The following KLHL20 variants were observed in gnomAD, a reference collection of about 807,000 sequenced individuals.
KLHL20 encodes kelch like family member 20.
Under a neutral mutation model 69.5 loss-of-function variants are expected in KLHL20, and 29 were observed. That is an observed-to-expected ratio of 0.42 (90% CI 0.31 to 0.57). The LOEUF is 0.57. Ranked by LOEUF, KLHL20 falls within the 20% of genes least tolerant of loss-of-function variation. The pLI is 0.18. For missense variants in KLHL20, 419 were observed against 776.0 expected, an observed-to-expected ratio of 0.54 and a Z score of 5.47; for synonymous variants, 253 against 265.2, an observed-to-expected ratio of 0.95 and a Z score of 0.45.
Position 173,786,296 on chromosome 1 carries a change from T to A in KLHL20, c.*1049T>A, listed in dbSNP as rs2102547383. 6.5e-6 allele frequency: 1 copy of A among 152,772 alleles called. No individual in the cohort carries two copies. The highest frequency in any genetic ancestry group is 1.5e-5 in the Non-Finnish European group (1 of 68,034). The allele number at this position is 152,772 out of a possible 1,614,324, so 9.5% of individuals were successfully genotyped here. The stretch of plus-strand genomic sequence containing the variant: ...CATTTTATTAATATCTTGGTTCTTT[T>A]ATACAAACAATGTATCATTATCTTC... On this transcript the variant is annotated 3_prime_UTR_variant, in exon 12 of 12. Transcript: ENST00000209884.
rs1004445441 is a variant in KLHL20, at chr1:173,773,595, T to G, written c.1296-710T>G. On this transcript the variant is annotated intron_variant, in intron 8 of 11. Transcript: ENST00000209884. ...CTTTCTAATAGGATGTAGTAGAGAG[T>G]AACAGCCATCACCCCCACTACAACG... 4.6e-5 allele frequency among the ~76,000 whole-genome samples: 7 copies of G among 151,696 alleles called. No individual in the cohort carries two copies. The East Asian group carries it at 1.4e-3, about 29-fold the overall frequency.
chr1:173,726,127 G>A (rs1375793647), intron 2 of KLHL20, among the ~76,000 whole-genome samples: 1 of 152,126 alleles, frequency 6.6e-6, no homozygotes, highest in Non-Finnish European at 1.5e-5. Flanking sequence ...AGGGTCCTAC[G>A]CCCACAGAGC....
intron 7 of KLHL20, among the ~76,000 whole-genome samples, chr1:173,762,436 A>C (rs1173269423): frequency 6.6e-6 from 1 of 152,216 alleles, no homozygotes; most frequent in Admixed American, 6.5e-5. Context: ...CTAAAAAAGA[A>C]AACTACAGAC....
chr1:173,737,432 C>A (rs1330285376), intron 3 of KLHL20, among the ~76,000 whole-genome samples: 2 of 152,218 alleles, frequency 1.3e-5, no homozygotes, highest in African/African-American at 4.8e-5. Flanking sequence ...TTTCATTCTT[C>A]TACATGTGGC....
At chr1:173,731,195 A>G (rs958098218) in intron 2 of KLHL20, among the ~76,000 whole-genome samples, 32 of 152,222 alleles carry the variant, frequency 2.1e-4, no homozygotes, top group Admixed American at 6.5e-4. Context: ...TAGAATGGCA[A>G]TCATTAAAAA....
intron 2 of KLHL20, among the ~76,000 whole-genome samples, chr1:173,716,420 A>G (rs1349655129): frequency 6.6e-6 from 1 of 152,180 alleles, no homozygotes; most frequent in Non-Finnish European, 1.5e-5. Context: ...TAAGAATCAT[A>G]ATTATTTATA....
At chr1:173,724,535 G>A (rs1429321619) in intron 2 of KLHL20, among the ~76,000 whole-genome samples, 1 of 152,146 alleles carries the variant, frequency 6.6e-6, no homozygotes, top group Non-Finnish European at 1.5e-5. Flanking sequence ...TTTATATAAT[G>A]TGATCATACA....
intron 3 of KLHL20, 29 bp downstream of exon 3, chr1:173,734,315 C>G: frequency 6.3e-7 from 1 of 1,598,554 alleles, no homozygotes; most frequent in Non-Finnish European, 8.6e-7. Context: ...TCCAATGCAC[C>G]CATTTGTTGG....
At chr1:173,747,944 G>A (rs1297449933) in intron 3 of KLHL20, among the ~76,000 whole-genome samples, 1 of 148,398 alleles carries the variant, frequency 6.7e-6, no homozygotes, top group Non-Finnish European at 1.5e-5. Context: ...AGAAAAAAAA[G>A]GAAAGAAGAC....
At chr1:173,735,735 T>C (rs1317174388) in intron 3 of KLHL20, among the ~76,000 whole-genome samples, 3 of 152,054 alleles carry the variant, frequency 2.0e-5, no homozygotes, top group African/African-American at 7.2e-5. Context: ...ATGTGTAGTC[T>C]TTTATCTCTC....
chr1:173,731,202 A>T (rs1288183675), intron 2 of KLHL20, among the ~76,000 whole-genome samples: 2 of 152,228 alleles, frequency 1.3e-5, no homozygotes, highest in Non-Finnish European at 2.9e-5. Flanking sequence ...GCAATCATTA[A>T]AAAGTCAGGA....
At chr1:173,748,344 A>G (rs1367843846) in intron 3 of KLHL20, among the ~76,000 whole-genome samples, 1 of 152,152 alleles carries the variant, frequency 6.6e-6, no homozygotes, top group Admixed American at 6.5e-5. Flanking sequence ...AAAGAAAACT[A>G]CAGATCAGTA....
At chr1:173,775,976 C>T (rs1466058288) in intron 10 of KLHL20, 134 bp downstream of exon 10, 7 of 699,458 alleles carry the variant, frequency 1.0e-5, no homozygotes, top group African/African-American at 1.8e-5. Flanking sequence ...AGTAAGATTG[C>T]TGGATCATAT....
rs989151396 is a variant in KLHL20, at chr1:173,741,973, C to A, written c.597+7687C>A. 7 of 687,950 alleles carry A rather than the reference C, an allele frequency of 1.0e-5. No individual in the cohort carries two copies. The African/African-American group carries it at 1.1e-4, about 11-fold the overall frequency. The allele number at this position is 687,950 out of a possible 1,614,324, so 42.6% of individuals were successfully genotyped here. ...ATAAGTGGGAAACCATCTCGATAAACACATTTTGGATAAAAAAAATTGTAA... is the reference window on the plus strand; with the variant it reads ...ATAAGTGGGAAACCATCTCGATAAAAACATTTTGGATAAAAAAAATTGTAA... On this transcript the variant is annotated intron_variant, in intron 3 of 11. Coordinates refer to ENST00000209884, the MANE Select transcript of KLHL20 (RefSeq NM_014458.4).
chr1:173,726,145 A>T (rs1438795769), intron 2 of KLHL20, among the ~76,000 whole-genome samples: 1 of 152,096 alleles, frequency 6.6e-6, no homozygotes, highest in Admixed American at 6.6e-5. Context: ...AGCCTCACTC[A>T]TTGCTAGCAC....
At position 173,785,277 on chromosome 1, in the gene KLHL20, C is replaced by T. The variant is rs1649138605; in HGVS notation, c.*30C>T. ...AGAGAAGACAGTCTTGTATATATTC[C>T]TCTGTATTCTGGGGAGCTTTGACCT... On this transcript the variant is annotated 3_prime_UTR_variant, in exon 12 of 12. Coordinates refer to ENST00000209884, the MANE Select transcript of KLHL20 (RefSeq NM_014458.4). 6.7e-7 allele frequency: 1 copy of T among 1,502,430 alleles called. No individual in the cohort carries two copies. The highest frequency in any genetic ancestry group is 9.1e-7 in the Non-Finnish European group (1 of 1,101,386). The allele number at this position is 1,502,430 out of a possible 1,614,324, so 93.1% of individuals were successfully genotyped here.
intron 2 of KLHL20, among the ~76,000 whole-genome samples, chr1:173,729,581 A>G (rs948157088): frequency 2.0e-5 from 3 of 152,214 alleles, no homozygotes; most frequent in Admixed American, 6.5e-5. Flanking sequence ...ACACAAATCA[A>G]TAAACATAAT....
At chr1:173,761,694 G>A (rs12070556) in intron 7 of KLHL20, among the ~76,000 whole-genome samples, 13,726 of 152,174 alleles carry the variant, frequency 0.09, 2,004 homozygotes, top group African/African-American at 0.31. Flanking sequence ...CTTAATGACA[G>A]TAATGACACA....
chr1:173,774,566 C>G lies in KLHL20; in HGVS notation c.1429+128C>G, dbSNP rs1648329512. ...CTAGGAAAATGCCTGATTTTTCCCT[C>G]CAGCAGAGTGCAGCTCTCAGCTCTT... On this transcript the variant is annotated intron_variant, in intron 9 of 11. Coordinates refer to ENST00000209884, the MANE Select transcript of KLHL20 (RefSeq NM_014458.4). The G allele has an allele frequency of 4.1e-6, 4 of 972,068 alleles. No individual in the cohort carries two copies. The South Asian group carries it at 6.2e-5, about 15-fold the overall frequency. The allele number at this position is 972,068 out of a possible 1,614,324, so 60.2% of individuals were successfully genotyped here. A position where few individuals can be genotyped will look rare whatever the true frequency, so the allele number is the denominator to read the frequency against.
Sources: gnomAD v4.1 joint callset for allele counts (sites outside exome capture counted in the v4.1 genomes callset) on GRCh38, gnomAD v4.1.1 for gene constraint, MANE v1.5 for transcripts, NCBI Gene and HGNC (gene_info 2026-07-23, HGNC 2026-07-21) for gene names.